MIER1: variants seen among roughly 807,000 people sequenced by gnomAD.
The protein encoded by MIER1 is MIER1 transcriptional regulator.
Under a neutral mutation model 75.7 loss-of-function variants are expected in MIER1, and 40 were observed. The observed-to-expected ratio is 0.53, with a 90% CI of 0.41 to 0.69. The LOEUF is 0.69. Ranked by LOEUF, MIER1 falls within the 30% of genes least tolerant of loss-of-function variation. The pLI, the probability that MIER1 is intolerant of heterozygous loss-of-function variation, is 0.00. For synonymous variants in MIER1, 213 were observed against 223.4 expected (o/e 0.95, Z 0.42); for missense variants, 574 against 680.2 (o/e 0.84, Z 1.74).
rs544062174 is a variant in MIER1 at position 66,985,374 on chromosome 1, CCAAA to C, written c.*477_*480del. 9.8e-5 allele frequency: 97 copies of C among 984,780 alleles called. 1 individual carries two copies. The South Asian group carries it at 1.4e-3, about 14-fold the overall frequency. 61.0% of individuals were successfully genotyped at this position (984,780 alleles called of 1,614,324 possible). A position where few individuals can be genotyped will look rare whatever the true frequency, so the allele number is the denominator to read the frequency against. ...GTCTTTAAAACAGACATTTTTCTCACCAAACAGTTTGAGTATCTTTATTAAGGAA... is the reference window on the plus strand; with the variant it reads ...GTCTTTAAAACAGACATTTTTCTCACCAGTTTGAGTATCTTTATTAAGGAA... On this transcript the variant is annotated 3_prime_UTR_variant, in exon 14 of 14. Transcript: ENST00000401041.
chr1:66,925,132 A>C (rs2100952297), intron 1 of MIER1, 37 bp downstream of exon 1: 1 of 1,539,790 alleles, frequency 6.5e-7, no homozygotes, highest in Non-Finnish European at 8.7e-7. Flanking sequence ...CTCCCCTTCT[A>C]TTCCAGTTTG....
At chr1:66,950,085 C>T (rs1187933711) in intron 4 of MIER1, among the ~76,000 whole-genome samples, 1 of 152,144 alleles carries the variant, frequency 6.6e-6, no homozygotes, top group Admixed American at 6.5e-5. Flanking sequence ...CAGAATCATT[C>T]TCATAGTAAA....
rs375766875 is a variant in MIER1, at chr1:66,959,752, A to C, written c.699+9A>C. On this transcript the variant is annotated intron_variant, in intron 7 of 13. Coordinates refer to ENST00000401041, the MANE Select transcript of MIER1 (RefSeq NM_001077700.3). ...CAGAAGACTGGAAAAAGGTAGTTAGAACAATATTTTCCCAAAATTTAGATA... is the reference window on the plus strand; with the variant it reads ...CAGAAGACTGGAAAAAGGTAGTTAGCACAATATTTTCCCAAAATTTAGATA... 7 of 1,359,598 alleles carry C rather than the reference A, an allele frequency of 5.1e-6. No homozygotes were observed. The highest frequency in any genetic ancestry group is 5.9e-6 in the Non-Finnish European group (6 of 1,013,594). 84.2% of individuals were successfully genotyped at this position (1,359,598 alleles called of 1,614,324 possible). A position where few individuals can be genotyped will look rare whatever the true frequency, so the allele number is the denominator to read the frequency against.
chr1:66,965,003 C>T (rs1570409106), intron 8 of MIER1, among the ~76,000 whole-genome samples: 1 of 152,090 alleles, frequency 6.6e-6, no homozygotes, highest in Non-Finnish European at 1.5e-5. Flanking sequence ...CATCACAGGC[C>T]AGTACGGTTT....
rs547767548 is a variant in MIER1 at position 66,952,803 on chromosome 1, A to C, written c.340-5256A>C. Among the ~76,000 whole-genome samples the C allele has an allele frequency of 2.6e-5, 4 of 152,164 alleles. No individual in the cohort carries two copies. The South Asian group carries it at 6.2e-4, about 24-fold the overall frequency. On this transcript the variant is annotated intron_variant, in intron 4 of 13. Coordinates refer to ENST00000401041, the MANE Select transcript of MIER1 (RefSeq NM_001077700.3). ...ACTACGGGCATGCGCTGCCACACCC[A>C]GCTAATTCTTTTTGTATTTTTTACA...
At position 66,985,950 on chromosome 1, in the gene MIER1, A is replaced by G; in HGVS notation, c.*1050A>G. ...TTCAAAATTATTTTTGAAGCAAGACAAAAGTTTAATGTCAGCTTAAGTGCT... is the reference window on the plus strand; with the variant it reads ...TTCAAAATTATTTTTGAAGCAAGACGAAAGTTTAATGTCAGCTTAAGTGCT... On this transcript the variant is annotated 3_prime_UTR_variant, in exon 14 of 14. Transcript: ENST00000401041. 1.0e-6 allele frequency: 1 copy of G among 985,062 alleles called. No homozygotes were observed. Among genetic ancestry groups the G allele is most frequent in the Admixed American group, 6.1e-5 (1 of 16,262 alleles). 61.0% of individuals were successfully genotyped at this position (985,062 alleles called of 1,614,324 possible).
At chr1:66,928,086 A>G (rs1045967484) in intron 2 of MIER1, among the ~76,000 whole-genome samples, 11 of 152,060 alleles carry the variant, frequency 7.2e-5, no homozygotes, top group Non-Finnish European at 1.5e-4. Flanking sequence ...CTTTTTTATA[A>G]TATCTGAACC....
chr1:66,930,268 G>A, intron 2 of MIER1: 1 of 1,541,008 alleles, frequency 6.5e-7, no homozygotes, highest in Non-Finnish European at 8.7e-7. Flanking sequence ...TCCCGCCGAG[G>A]CAGTGGCGGC....
intron 3 of MIER1, 117 bp from the exon 4 acceptor site, chr1:66,946,033 G>A (rs887787043): frequency 1.7e-5 from 15 of 894,746 alleles, no homozygotes; most frequent in South Asian, 1.0e-4. Flanking sequence ...GTTGCTGTGC[G>A]TAGCTTTTTC....
intron 12 of MIER1, among the ~76,000 whole-genome samples, chr1:66,978,293 G>A (rs201905064): frequency 6.8e-6 from 1 of 146,774 alleles, no homozygotes; most frequent in Admixed American, 6.8e-5. Context: ...TTTATAGGTA[G>A]GTATCTCTGC....
At chr1:66,940,763 A>G (rs1057326111) in intron 3 of MIER1, among the ~76,000 whole-genome samples, 1 of 152,232 alleles carries the variant, frequency 6.6e-6, no homozygotes, top group Non-Finnish European at 1.5e-5. Context: ...GTCTGGCACC[A>G]CTGGGTACAG....
At chr1:66,942,939 A>C (rs1656590459) in intron 3 of MIER1, among the ~76,000 whole-genome samples, 3 of 152,196 alleles carry the variant, frequency 2.0e-5, no homozygotes, top group African/African-American at 7.2e-5. Context: ...TATGAACTTG[A>C]ATTTTTTTAA....
intron 4 of MIER1, 21 bp from the exon 5 acceptor site, chr1:66,958,038 C>T: frequency 6.6e-7 from 1 of 1,504,956 alleles, no homozygotes; most frequent in Non-Finnish European, 9.0e-7. Context: ...CAGAGATTAC[C>T]TTTTATTTTG....
intron 4 of MIER1, among the ~76,000 whole-genome samples, chr1:66,953,229 T>A (rs550731987): frequency 1.1e-4 from 16 of 152,100 alleles, no homozygotes; most frequent in Admixed American, 3.3e-4. Flanking sequence ...AGTACAGAAG[T>A]AGAGAGTAGG....
rs924356795 is a variant in MIER1, at chr1:66,985,810, TA to T, written c.*914del. Reference sequence around the variant, plus strand: ...TGGTTAAAGCATTCATAAAGGATTATAAAATTTTTTTTTTTTTTTTTTTTTT... The same window carrying T: ...TGGTTAAAGCATTCATAAAGGATTATAAATTTTTTTTTTTTTTTTTTTTTT... On this transcript the variant is annotated 3_prime_UTR_variant, in exon 14 of 14. Coordinates refer to ENST00000401041, the MANE Select transcript of MIER1 (RefSeq NM_001077700.3). 1.8e-4 allele frequency: 148 copies of T among 820,216 alleles called. No homozygotes were observed. The highest frequency in any genetic ancestry group is 1.1e-3 in the Admixed American group (15 of 14,110). 50.8% of individuals were successfully genotyped at this position (820,216 alleles called of 1,614,324 possible). A position where few individuals can be genotyped will look rare whatever the true frequency, so the allele number is the denominator to read the frequency against.
At chr1:66,955,336 GTTTTTTTTTTT>G (rs34006160) in intron 4 of MIER1, among the ~76,000 whole-genome samples, 9 of 59,964 alleles carry the variant, frequency 1.5e-4, no homozygotes, top group East Asian at 5.5e-4. Context: ...CATCACCTGA[GTTTTTTTTTTT>G]TTTTTTTTTT....
chr1:66,964,648 C>A (rs1002738895), intron 8 of MIER1, among the ~76,000 whole-genome samples: 2 of 150,914 alleles, frequency 1.3e-5, no homozygotes, highest in African/African-American at 4.9e-5. Context: ...GATGAGGTTT[C>A]TCCATGTCGG....
At chr1:66,964,309 G>A (rs1256838667) in intron 8 of MIER1, among the ~76,000 whole-genome samples, 2 of 151,684 alleles carry the variant, frequency 1.3e-5, no homozygotes, top group African/African-American at 2.4e-5. Flanking sequence ...TCCTCACCTC[G>A]TGATCCGCCT....
intron 2 of MIER1, among the ~76,000 whole-genome samples, chr1:66,938,128 G>A (rs1655348544): frequency 6.6e-6 from 1 of 152,178 alleles, no homozygotes; most frequent in African/African-American, 2.4e-5. Flanking sequence ...TCATTGGGAA[G>A]TGTTTGCAGC....
Sources: allele counts gnomAD v4.1 joint callset (sites outside exome capture counted in the v4.1 genomes callset), GRCh38; gene constraint gnomAD v4.1.1; transcripts MANE v1.5; gene names NCBI Gene and HGNC (gene_info 2026-07-23, HGNC 2026-07-21).